Variants in ARHGAP6 observed in about 807,000 individuals in gnomAD.
ARHGAP6 encodes the protein rho GTPase-activating protein 6.
In ARHGAP6, 16 loss-of-function variants were observed where a neutral mutation model predicts 55.7. The observed-to-expected ratio is 0.29, with a 90% CI of 0.19 to 0.44. The LOEUF is 0.44. Among genes scored for constraint, ARHGAP6 ranks in the 20% least tolerant of loss-of-function variants. The pLI is 1.00. For missense variants in ARHGAP6, 698 were observed against 808.9 expected (o/e 0.86, Z 1.66); for synonymous variants, 382 against 360.9 (o/e 1.06, Z -0.66).
chrX:11,609,214 G>A (rs1428958960), intron 1 of ARHGAP6, among the ~76,000 whole-genome samples: 10 of 111,863 alleles, frequency 8.9e-5, no homozygotes, highest in Non-Finnish European at 1.9e-4. Flanking sequence ...GGAGAAGTAT[G>A]GGGATGCAGG....
chrX:11,222,245 A>G (rs997174902), intron 2 of ARHGAP6, among the ~76,000 whole-genome samples: 2 of 112,005 alleles, frequency 1.8e-5, no homozygotes, highest in Non-Finnish European at 3.8e-5. Context: ...AAATTTCTGT[A>G]GAGACGATGG....
chrX:11,221,004 T>G (rs1479236720), intron 2 of ARHGAP6, among the ~76,000 whole-genome samples: 1 of 111,315 alleles, frequency 9.0e-6, no homozygotes, highest in Non-Finnish European at 1.9e-5. Context: ...TAAAACAGAC[T>G]TTAAACCAAC....
At chrX:11,160,319 T>C (rs1248565702) in intron 9 of ARHGAP6, among the ~76,000 whole-genome samples, 1 of 105,900 alleles carries the variant, frequency 9.4e-6, no homozygotes, top group Non-Finnish European at 1.9e-5. Context: ...TAGTCGGGCG[T>C]GGTGGTGAGC....
chrX:11,387,206 G>T (rs1048268848), intron 1 of ARHGAP6, among the ~76,000 whole-genome samples: 1 of 112,026 alleles, frequency 8.9e-6, no homozygotes, highest in Non-Finnish European at 1.9e-5. Context: ...ACATCAGTGG[G>T]TGTCAACCCT....
chrX:11,343,546 C>T lies in ARHGAP6; in HGVS notation c.589-88839G>A, dbSNP rs748195273. ...CCAGGGTTAATATTCATTTGAAATG[C>T]TAATATAGAGAAATTCTTTACATTA... On this transcript the variant is annotated intron_variant, in intron 1 of 12. Coordinates refer to ENST00000337414, the MANE Select transcript of ARHGAP6 (RefSeq NM_013427.3). Among the ~76,000 whole-genome samples, 9 of 112,028 alleles carry T rather than the reference C, an allele frequency of 8.0e-5. No homozygotes were observed. The South Asian group carries it at 1.1e-3, about 14-fold the overall frequency.
At chrX:11,474,876 G>A (rs1216319587) in intron 1 of ARHGAP6, among the ~76,000 whole-genome samples, 1 of 110,707 alleles carries the variant, frequency 9.0e-6, no homozygotes, top group African/African-American at 3.3e-5. Context: ...CCAAAAATGA[G>A]TTGTTATAAA....
chrX:11,319,128 TTCTATA>T (rs201917913), intron 1 of ARHGAP6, among the ~76,000 whole-genome samples: 79 of 112,022 alleles, frequency 7.1e-4, no homozygotes, highest in East Asian at 1.7e-3. Context: ...AACTCCACAT[TTCTATA>T]TCTATATCTA....
At chrX:11,561,290 A>G (rs1190154452) in intron 1 of ARHGAP6, among the ~76,000 whole-genome samples, 2 of 112,265 alleles carry the variant, frequency 1.8e-5, no homozygotes, top group Non-Finnish European at 3.8e-5. Flanking sequence ...AAAAGCTAAA[A>G]CAAAGGAAGC....
At chrX:11,661,837 G>A (rs1160030658) in intron 1 of ARHGAP6, among the ~76,000 whole-genome samples, 2 of 111,860 alleles carry the variant, frequency 1.8e-5, no homozygotes, top group African/African-American at 6.5e-5. Context: ...CAGTTAGGGC[G>A]ATTTTGATCC....
At chrX:11,557,350 A>G (rs1448820622) in intron 1 of ARHGAP6, among the ~76,000 whole-genome samples, 1 of 112,026 alleles carries the variant, frequency 8.9e-6, no homozygotes, top group African/African-American at 3.2e-5. Flanking sequence ...CAACAGAAAT[A>G]AAATACTAAG....
chrX:11,157,964 A>C (rs953961520), intron 9 of ARHGAP6, among the ~76,000 whole-genome samples: 1 of 112,082 alleles, frequency 8.9e-6, no homozygotes, highest in Non-Finnish European at 1.9e-5. Context: ...CAGAGCCAGG[A>C]GGCCTACTAG....
intron 1 of ARHGAP6, among the ~76,000 whole-genome samples, chrX:11,393,208 T>A (rs1455774534): frequency 4.5e-5 from 5 of 111,376 alleles, no homozygotes; most frequent in Non-Finnish European, 9.4e-5. Context: ...GCAATTTAAG[T>A]TTTTTAGTCT....
chrX:11,654,924 T>C (rs896442793), intron 1 of ARHGAP6, among the ~76,000 whole-genome samples: 3 of 112,349 alleles, frequency 2.7e-5, no homozygotes, highest in Non-Finnish European at 5.6e-5. Flanking sequence ...ATTCACCCTT[T>C]TAAAGTATAC....
intron 1 of ARHGAP6, among the ~76,000 whole-genome samples, chrX:11,339,390 C>T (rs2048676449): frequency 9.1e-6 from 1 of 110,471 alleles, no homozygotes; most frequent in South Asian, 3.9e-4. Flanking sequence ...CAGATTTAGT[C>T]GAATCTCCCT....
intron 1 of ARHGAP6, among the ~76,000 whole-genome samples, chrX:11,403,251 A>T (rs745814510): frequency 9.0e-6 from 1 of 111,353 alleles, no homozygotes; most frequent in East Asian, 2.8e-4. Context: ...GAGATAGTTG[A>T]TGTGAAAACT....
intron 1 of ARHGAP6, among the ~76,000 whole-genome samples, chrX:11,612,669 T>G (rs773190319): frequency 8.9e-6 from 1 of 112,529 alleles, no homozygotes; most frequent in East Asian, 2.8e-4. Flanking sequence ...ACATTTCTAT[T>G]GTTTATAAGC....
At chrX:11,328,742 A>AT (rs1338065238) in intron 1 of ARHGAP6, among the ~76,000 whole-genome samples, 1 of 111,990 alleles carries the variant, frequency 8.9e-6, no homozygotes, top group Non-Finnish European at 1.9e-5. Context: ...GAGGTATTTT[A>AT]TTTTTTTCAC....
intron 1 of ARHGAP6, among the ~76,000 whole-genome samples, chrX:11,295,537 T>C (rs5933871): frequency 0.33 from 35,974 of 110,548 alleles, 5,216 homozygotes; most frequent in African/African-American, 0.56. Flanking sequence ...ATCACATGCA[T>C]GCCAAGCAGG....
chrX:11,552,555 C>CAT (rs59008705), intron 1 of ARHGAP6, among the ~76,000 whole-genome samples: 434 of 12,515 alleles, frequency 0.035, 26 homozygotes, highest in Non-Finnish European at 0.038. Context: ...GAAAATGTGC[C>CAT]ATATATATAT....
Sources: allele counts gnomAD v4.1 joint callset (sites outside exome capture counted in the v4.1 genomes callset), GRCh38; gene constraint gnomAD v4.1.1; transcripts MANE v1.5; gene names NCBI Gene and HGNC (gene_info 2026-07-23, HGNC 2026-07-21).